Variants in CLSPN observed in about 807,000 individuals in gnomAD.
CLSPN encodes the protein claspin homolog.
Under a neutral mutation model 156.3 loss-of-function variants are expected in CLSPN, and 85 were observed. The observed-to-expected ratio is 0.54, with a 90% CI of 0.46 to 0.65. The LOEUF (loss-of-function observed/expected upper bound fraction) is 0.65, where lower values mean the gene tolerates loss of function less well. Among genes scored for constraint, CLSPN ranks in the 30% least tolerant of loss-of-function variants. The pLI is 0.00. For missense variants in CLSPN, 1,407 were observed against 1,554.9 expected (o/e 0.90, Z 1.60); for synonymous variants, 534 against 542.4 (o/e 0.98, Z 0.22).
chr1:35,758,693 A>G (rs1181978135), intron 8 of CLSPN, among the ~76,000 whole-genome samples: 1 of 152,042 alleles, frequency 6.6e-6, no homozygotes, highest in Non-Finnish European at 1.5e-5. Flanking sequence ...TAATAATAGT[A>G]GAAGCAGCAA....
At chr1:35,756,724 T>C (rs1642284174) in intron 8 of CLSPN, among the ~76,000 whole-genome samples, 1 of 152,184 alleles carries the variant, frequency 6.6e-6, no homozygotes, top group Non-Finnish European at 1.5e-5. Context: ...ATTTCTGACA[T>C]CACAAAATTT....
Position 35,753,831 on chromosome 1 carries a change from G to T in CLSPN, c.1685C>A (p.Thr562Asn), listed in dbSNP as rs761561116. ...TGCTTTTAGCTCTTCCTTTCCATCA[G>T]TGCCCATGTCTTTCACTATGACGTT... ...NVNVIVKDMG[T>N]DGKEELKADV... The change falls in exon 9 of 25, where the codon ACT (threonine) becomes AAT (asparagine). Residue 562 changes from threonine (T) to asparagine (N), a missense_variant. Thr to Asn is a moderately conservative substitution (Grantham distance 65). Transcript: ENST00000318121. 6.2e-6 allele frequency: 10 copies of T among 1,614,146 alleles called. No homozygotes were observed. Among genetic ancestry groups the T allele is most frequent in the Non-Finnish European group, 6.8e-6 (8 of 1,180,016 alleles).
Position 35,734,665 on chromosome 1 carries a change from C to T in CLSPN, c.*1831G>A, listed in dbSNP as rs1443775883. ...TGTATTCCAGCCTAGGTGACAGAGC[C>T]AGCCTATGTCTCAAAAAAAAAAAAA... On this transcript the variant is annotated 3_prime_UTR_variant, in exon 25 of 25. Transcript: ENST00000318121. The T allele has an allele frequency of 8.4e-5, 59 of 705,652 alleles. No homozygotes were observed. The highest frequency in any genetic ancestry group is 9.2e-5 in the Non-Finnish European group (55 of 598,822). The allele number at this position is 705,652 out of a possible 1,614,324, so 43.7% of individuals were successfully genotyped here.
Position 35,745,492 on chromosome 1 carries a change from T to A in CLSPN, c.2925A>T (p.Glu975Asp), listed in dbSNP as rs1229655848. 6.2e-7 allele frequency: 1 copy of A among 1,614,058 alleles called. No individual in the cohort carries two copies. Among genetic ancestry groups the A allele is most frequent in the African/African-American group, 1.3e-5 (1 of 75,066 alleles). ...AGCCTGAGCAAAGAGCAAGTGCTTC[T>A]TCCATTGGATCACCCATGCTGCTCT... Reference protein sequence around the residue: ...EKESSMGDPMEEALALCSGSF... With the variant: ...EKESSMGDPMDEALALCSGSF... The change falls in exon 16 of 25, where the codon GAA (glutamate) becomes GAT (aspartate). Residue 975 changes from glutamate (E) to aspartate (D), a missense_variant. By Grantham distance (45) the Glu-to-Asp change is conservative. Around this residue, in one of 3 missense-constraint regions of CLSPN, gnomAD observed 1,096 missense variants for 1,193.0 expected, o/e 0.92. Coordinates refer to ENST00000318121, the MANE Select transcript of CLSPN (RefSeq NM_022111.4).
chr1:35,734,444 C>T lies in CLSPN; in HGVS notation c.*2052G>A. 1 of 846,446 alleles carries T rather than the reference C, an allele frequency of 1.2e-6. No homozygotes were observed. The highest frequency in any genetic ancestry group is 1.4e-6 in the Non-Finnish European group (1 of 703,230). The allele number at this position is 846,446 out of a possible 1,614,324, so 52.4% of individuals were successfully genotyped here. On this transcript the variant is annotated 3_prime_UTR_variant, in exon 25 of 25. Coordinates refer to ENST00000318121, the MANE Select transcript of CLSPN (RefSeq NM_022111.4). ...CCTATAATCCCAGCACTTTGGGAGG[C>T]CGAGACGGGTGGATCACCTCAGGTC...
rs1392715821 is a variant in CLSPN, at chr1:35,735,361, G to T, written c.*1135C>A. 6.1e-6 allele frequency: 6 copies of T among 985,388 alleles called. No homozygotes were observed. The South Asian group carries it at 1.4e-4, about 23-fold the overall frequency. The allele number at this position is 985,388 out of a possible 1,614,324, so 61.0% of individuals were successfully genotyped here. A position where few individuals can be genotyped will look rare whatever the true frequency, so the allele number is the denominator to read the frequency against. On this transcript the variant is annotated 3_prime_UTR_variant, in exon 25 of 25. Transcript: ENST00000318121. ...AAGAAGCATACAGGAAAATGAAAGGGGTAAGAGTAATACAGCAGCCCATCT... is the reference window on the plus strand; with the variant it reads ...AAGAAGCATACAGGAAAATGAAAGGTGTAAGAGTAATACAGCAGCCCATCT...
chr1:35,736,624 A>T lies in CLSPN; in HGVS notation c.3910-18T>A. 3 of 1,599,032 alleles carry T rather than the reference A, an allele frequency of 1.9e-6. No homozygotes were observed. Among genetic ancestry groups the T allele is most frequent in the Non-Finnish European group, 2.6e-6 (3 of 1,175,288 alleles). ...TTCTTTACCTAGAGAGCAGAGAGGG[A>T]GTCAGGGCCAGCTAAAGACCTTCAT... is the stretch of plus-strand genomic sequence containing the variant. On this transcript the variant is annotated intron_variant, in intron 24 of 24. Coordinates refer to ENST00000318121, the MANE Select transcript of CLSPN (RefSeq NM_022111.4).
rs1210699828 is a variant in CLSPN, at chr1:35,760,753, T to C, written c.1168A>G (p.Ile390Val). 3 of 1,614,004 alleles carry C rather than the reference T, an allele frequency of 1.9e-6. No homozygotes were observed. The highest frequency in any genetic ancestry group is 2.5e-6 in the Non-Finnish European group (3 of 1,180,034). The stretch of plus-strand genomic sequence containing the variant: ...CTGCAAGACTCATCTGATCCAGTAA[T>C]GATCTGGGTTTCCTTTGAAACTACA... ...LPVVSKETQI[I>V]TGSDESCRKD... The change falls in exon 8 of 25, where the codon ATT becomes GTT. Residue 390 changes from isoleucine (I) to valine (V), a missense_variant. Ile to Val is a conservative substitution (Grantham distance 29). This residue lies in a region of CLSPN where 1,096 missense variants were observed against 1,193.0 expected (regional missense o/e 0.92). Transcript: ENST00000318121.
chr1:35,764,633 G>A lies in CLSPN; in HGVS notation c.215C>T (p.Thr72Ile). Residue 72 changes from threonine (T) to isoleucine (I), a missense_variant, in exon 3 of 25, where the codon ACA becomes ATA. By Grantham distance (89) the Thr-to-Ile change is moderately conservative (BLOSUM62 -1). Coordinates refer to ENST00000318121, the MANE Select transcript of CLSPN (RefSeq NM_022111.4). ...LQDSDSETED[T>I]NASPEKTTYD... is the part of the protein sequence containing the mutation. The stretch of plus-strand genomic sequence containing the variant: ...GGTAGTTTTCTCTGGAGAGGCATTT[G>A]TGTCCTCTGTTTCGGAATCACTGTC... 3.1e-6 allele frequency: 5 copies of A among 1,612,770 alleles called. No homozygotes were observed. Among genetic ancestry groups the A allele is most frequent in the Non-Finnish European group, 4.2e-6 (5 of 1,179,654 alleles).
At position 35,736,174 on chromosome 1, in the gene CLSPN, C is replaced by CGCCACTGCA; in HGVS notation, c.*313_*321dup. 1.2e-6 allele frequency: 1 copy of CGCCACTGCA among 858,310 alleles called. No homozygotes were observed. Among genetic ancestry groups the CGCCACTGCA allele is most frequent in the East Asian group, 1.1e-4 (1 of 9,042 alleles). 53.2% of individuals were successfully genotyped at this position (858,310 alleles called of 1,614,324 possible). A position where few individuals can be genotyped will look rare whatever the true frequency, so the allele number is the denominator to read the frequency against. Reference sequence around the variant, plus strand: ...CAGAGATTGTGGTGAGCCGAGATCACGCCACTGCACTCCAAGCTGGGCAAC... The same window carrying CGCCACTGCA: ...CAGAGATTGTGGTGAGCCGAGATCACGCCACTGCAGCCACTGCACTCCAAGCTGGGCAAC... On this transcript the variant is annotated 3_prime_UTR_variant, in exon 25 of 25. Transcript: ENST00000318121.
At chr1:35,747,081 G>C (rs1006780096) in intron 14 of CLSPN, 89 bp from the exon 15 acceptor site, 2 of 928,726 alleles carry the variant, frequency 2.2e-6, no homozygotes, top group African/African-American at 3.3e-5. Flanking sequence ...CCAGCACTTC[G>C]GGAGGCCGAG....
intron 6 of CLSPN, 101 bp downstream of exon 6, chr1:35,761,897 T>C (rs1182555064): frequency 1.4e-6 from 1 of 730,742 alleles, no homozygotes; most frequent in South Asian, 1.6e-5. Flanking sequence ...ATAACCTGAG[T>C]TCACATTAGA....
At chr1:35,720,776 T>C in exon 25 of CLSPN, 1 of 667,746 alleles carries the variant, frequency 1.5e-6, no homozygotes, top group East Asian at 3.0e-5. Flanking sequence ...CTCTCAGCTT[T>C]GGTGATCTAG....
At chr1:35,754,352 GT>G (rs1436102536) in intron 8 of CLSPN, among the ~76,000 whole-genome samples, 1 of 151,894 alleles carries the variant, frequency 6.6e-6, no homozygotes, top group Non-Finnish European at 1.5e-5. Flanking sequence ...GCTGTTTTTT[GT>G]TTTTGTTTTG....
In CLSPN at chr1:35,753,927, G is replaced by T. The variant is rs114819765; in HGVS notation, c.1589C>A (p.Ala530Asp). The T allele has an allele frequency of 3.3e-5, 53 of 1,614,088 alleles. No individual in the cohort carries two copies. The East Asian group carries it at 1.1e-3, about 35-fold the overall frequency. The change falls in exon 9 of 25, where the codon GCC becomes GAC. Residue 530 changes from alanine to aspartate, a missense_variant. This residue lies in a region of CLSPN where 1,096 missense variants were observed against 1,193.0 expected (regional missense o/e 0.92). Transcript: ENST00000318121. Reference sequence around the variant, plus strand: ...ATGCTTCCAGAAACGCTGCTTCAAGGCTTCCAGTTCTAAACCCAAACGCCA... The same window carrying T: ...ATGCTTCCAGAAACGCTGCTTCAAGTCTTCCAGTTCTAAACCCAAACGCCA... Reference protein sequence around the residue: ...LEPETNRELEALKQRFWKHAN... With the variant: ...LEPETNRELEDLKQRFWKHAN...
At chr1:35,729,185 A>G (rs1641261181), downstream of CLSPN, among the ~76,000 whole-genome samples, 1 of 152,148 alleles carries the variant, frequency 6.6e-6, no homozygotes, top group Non-Finnish European at 1.5e-5. Flanking sequence ...GAGGGCCAAA[A>G]AACCCAAACC....
At chr1:35,728,490 C>T (rs189034468), downstream of CLSPN, among the ~76,000 whole-genome samples, 10 of 152,138 alleles carry the variant, frequency 6.6e-5, no homozygotes, top group African/African-American at 2.2e-4. Flanking sequence ...GAGAGACAGC[C>T]CTGGATCCTC....
intron 24 of CLSPN, among the ~76,000 whole-genome samples, chr1:35,726,369 C>G (rs1227586040): frequency 6.6e-6 from 1 of 152,120 alleles, no homozygotes; most frequent in Non-Finnish European, 1.5e-5. Context: ...TCACATCCAT[C>G]TGGCTCCAAT....
chr1:35,748,370 A>T, intron 13 of CLSPN, 35 bp downstream of exon 13: 1 of 1,579,842 alleles, frequency 6.3e-7, no homozygotes, highest in South Asian at 1.1e-5. Context: ...GGAAGCAAAG[A>T]GAGGAGGAGA....
Sources: allele counts gnomAD v4.1 joint callset (sites outside exome capture counted in the v4.1 genomes callset), GRCh38; gene constraint gnomAD v4.1.1; regional missense constraint gnomAD v4.1.1; transcripts MANE v1.5; gene names NCBI Gene and HGNC (gene_info 2026-07-23, HGNC 2026-07-21).